DGKH: variants seen among roughly 807,000 people sequenced by gnomAD.
The protein encoded by DGKH is DAG kinase eta.
DGKH carries 90 observed loss-of-function variants against 159.3 expected under a neutral mutation model. The observed-to-expected ratio is 0.57, with a 90% CI of 0.48 to 0.67. The LOEUF is 0.67. Ranked by LOEUF, DGKH falls within the 30% of genes least tolerant of loss-of-function variation. The probability of loss-of-function intolerance (pLI) is 0.00; values close to 1 mark genes in which losing one functional copy is unlikely to be tolerated. For synonymous variants in DGKH, 536 were observed against 553.8 expected, an observed-to-expected ratio of 0.97 and a Z score of 0.45; for missense variants, 1,181 against 1,506.1, an observed-to-expected ratio of 0.78 and a Z score of 3.57.
rs574444665 is a variant in DGKH, at chr13:42,070,592, T to C, written c.192+21627T>C. ...CGTGCAAGACCAAAGTCGCCTATCT[T>C]CAGCACCAAGTCTTCAGTATTAATG... On this transcript the variant is annotated intron_variant, in intron 1 of 29. Coordinates refer to ENST00000337343, the MANE Select transcript of DGKH (RefSeq NM_178009.5). The C allele has an allele frequency of 2.2e-4, 352 of 1,599,120 alleles. 3 individuals carry two copies. In the South Asian group the frequency reaches 3.7e-3, roughly 17 times the overall value.
At chr13:42,154,515 G>A (rs1030401673) in intron 3 of DGKH, among the ~76,000 whole-genome samples, 1 of 152,112 alleles carries the variant, frequency 6.6e-6, no homozygotes, top group African/African-American at 2.4e-5. Context: ...ATATAATTAA[G>A]TTGCCTTTTT....
intron 26 of DGKH, 76 bp downstream of exon 26, chr13:42,215,743 A>G (rs920352366): frequency 5.3e-6 from 7 of 1,318,046 alleles, no homozygotes; most frequent in Non-Finnish European, 7.4e-6. Context: ...GGGAACAGGC[A>G]TTTGGCAGAT....
chr13:42,251,461 A>G (rs188331899), intron 29 of DGKH, among the ~76,000 whole-genome samples: 1 of 152,078 alleles, frequency 6.6e-6, no homozygotes, highest in Non-Finnish European at 1.5e-5. Context: ...TTTTATACCC[A>G]CTCATGTCTG....
chr13:42,058,579 C>G (rs967178614), intron 1 of DGKH, among the ~76,000 whole-genome samples: 2 of 152,160 alleles, frequency 1.3e-5, no homozygotes, highest in Non-Finnish European at 2.9e-5. Flanking sequence ...TTGTCATGTA[C>G]TATATTATAT....
At chr13:42,078,905 TCTC>T (rs1374928465) in intron 1 of DGKH, among the ~76,000 whole-genome samples, 2 of 148,988 alleles carry the variant, frequency 1.3e-5, no homozygotes, top group East Asian at 1.9e-4. Flanking sequence ...AGAGGTATAT[TCTC>T]CTTTTTTTTT....
chr13:42,072,826 T>G (rs968064557), intron 1 of DGKH, among the ~76,000 whole-genome samples: 8 of 152,198 alleles, frequency 5.3e-5, no homozygotes, highest in African/African-American at 1.9e-4. Flanking sequence ...CGACCTGCCC[T>G]GGTGATGCTA....
intron 13 of DGKH, among the ~76,000 whole-genome samples, chr13:42,182,771 C>T (rs1566166791): frequency 6.6e-6 from 1 of 152,048 alleles, no homozygotes; most frequent in Non-Finnish European, 1.5e-5. Flanking sequence ...TGCATGTGCG[C>T]ACATATAATC....
chr13:42,139,468 C>T (rs181566818), intron 3 of DGKH, among the ~76,000 whole-genome samples: 8 of 152,288 alleles, frequency 5.3e-5, no homozygotes, highest in Admixed American at 3.9e-4. Context: ...AGAGCTGTGT[C>T]GGACTTTCAG....
chr13:42,192,082 A>G (rs962232625), intron 16 of DGKH, among the ~76,000 whole-genome samples: 1 of 152,150 alleles, frequency 6.6e-6, no homozygotes, highest in Non-Finnish European at 1.5e-5. Context: ...CTGAGTGTTC[A>G]CTGTCATCTT....
rs1958275680 is a variant in DGKH at position 42,230,950 on chromosome 13, C to T, written c.*1762C>T. Reference sequence around the variant, plus strand: ...AGTAAAAATCACAAAATTTTAATGTCTTTAAAATAAATGACCCTGAGGGAT... The same window carrying T: ...AGTAAAAATCACAAAATTTTAATGTTTTTAAAATAAATGACCCTGAGGGAT... On this transcript the variant is annotated 3_prime_UTR_variant, in exon 30 of 30. Coordinates refer to ENST00000337343, the MANE Select transcript of DGKH (RefSeq NM_178009.5). 1 of 152,112 alleles carries T rather than the reference C, an allele frequency of 6.6e-6. No homozygotes were observed. The highest frequency in any genetic ancestry group is 6.5e-5 in the Admixed American group (1 of 15,278). 9.4% of individuals were successfully genotyped at this position (152,112 alleles called of 1,614,324 possible).
At chr13:42,088,575 G>A (rs1309647313) in intron 1 of DGKH, among the ~76,000 whole-genome samples, 1 of 152,048 alleles carries the variant, frequency 6.6e-6, no homozygotes, top group Non-Finnish European at 1.5e-5. Flanking sequence ...ATAAATTAAA[G>A]ATGGATATAG....
intron 1 of DGKH, among the ~76,000 whole-genome samples, chr13:42,090,746 C>T (rs566122651): frequency 6.6e-6 from 1 of 152,140 alleles, no homozygotes; most frequent in Non-Finnish European, 1.5e-5. Flanking sequence ...TTTTCGTCTC[C>T]TCCAAAATTC....
intron 3 of DGKH, among the ~76,000 whole-genome samples, chr13:42,133,464 G>A (rs1339287939): frequency 6.6e-6 from 1 of 152,108 alleles, no homozygotes; most frequent in Non-Finnish European, 1.5e-5. Context: ...GAGGCTGGTG[G>A]TAGGATCTCA....
At chr13:42,154,716 A>G (rs73187282) in intron 3 of DGKH, among the ~76,000 whole-genome samples, 3 of 152,234 alleles carry the variant, frequency 2.0e-5, no homozygotes, top group Non-Finnish European at 4.4e-5. Context: ...TATTATTTAA[A>G]TATTAACAGA....
intron 5 of DGKH, among the ~76,000 whole-genome samples, chr13:42,157,091 T>C (rs1956065160): frequency 6.6e-6 from 1 of 152,212 alleles, no homozygotes; most frequent in Non-Finnish European, 1.5e-5. Flanking sequence ...ATTTGCATCA[T>C]GGGCTTGATG....
Position 42,230,826 on chromosome 13 carries a change from T to C in DGKH, c.*1638T>C, listed in dbSNP as rs1443032179. ...AAAGAGAAATACTAATAGGCGAGCA[T>C]TTAAAATGAACTATTGTCAGGCATA... On this transcript the variant is annotated 3_prime_UTR_variant, in exon 30 of 30. Coordinates refer to ENST00000337343, the MANE Select transcript of DGKH (RefSeq NM_178009.5). 1 of 152,142 alleles carries C rather than the reference T, an allele frequency of 6.6e-6. No individual in the cohort carries two copies. Among genetic ancestry groups the C allele is most frequent in the Non-Finnish European group, 1.5e-5 (1 of 68,000 alleles). The allele number at this position is 152,142 out of a possible 1,614,324, so 9.4% of individuals were successfully genotyped here.
chr13:42,093,727 A>G (rs606526), intron 1 of DGKH, among the ~76,000 whole-genome samples: 36,216 of 152,164 alleles, frequency 0.24, 4,921 homozygotes, highest in African/African-American at 0.36. Flanking sequence ...TGAACCTTGA[A>G]GGCATTATGC....
chr13:42,137,852 G>A (rs776923715), intron 3 of DGKH, among the ~76,000 whole-genome samples: 31 of 152,224 alleles, frequency 2.0e-4, no homozygotes, highest in East Asian at 3.8e-4. Flanking sequence ...TTGGAAAAAT[G>A]TGACAAATGT....
chr13:42,139,229 C>T (rs1179978497), intron 3 of DGKH, among the ~76,000 whole-genome samples: 1 of 152,160 alleles, frequency 6.6e-6, no homozygotes, highest in Non-Finnish European at 1.5e-5. Context: ...CCGGTGTCTC[C>T]ACCTTCACTA....
Sources: gnomAD v4.1 joint callset for allele counts (sites outside exome capture counted in the v4.1 genomes callset) on GRCh38, gnomAD v4.1.1 for gene constraint, MANE v1.5 for transcripts, NCBI Gene and HGNC (gene_info 2026-07-23, HGNC 2026-07-21) for gene names.